Variants in RBFOX1 observed in about 807,000 individuals in gnomAD.
RBFOX1 encodes RNA binding fox-1 homolog 1, also known as RNA binding protein fox-1 homolog 1.
RBFOX1 carries 8 observed loss-of-function variants against 57.7 expected under a neutral mutation model. The observed-to-expected ratio is 0.14, with a 90% CI of 0.08 to 0.25. RBFOX1 has a LOEUF of 0.25. Ranked by LOEUF, RBFOX1 falls within the 10% of genes least tolerant of loss-of-function variation. The probability of loss-of-function intolerance (pLI) is 1.00; values close to 1 mark genes in which losing one functional copy is unlikely to be tolerated. For missense variants in RBFOX1, 611 were observed against 548.5 expected (o/e 1.11, Z -1.14); for synonymous variants, 326 against 222.4 (o/e 1.47, Z -4.15).
In RBFOX1 at chr16:5,884,984, A is replaced by G. The variant is rs139236104; in HGVS notation, c.351+17649A>G. On this transcript the variant is annotated intron_variant, in intron 4 of 19. Transcript: ENST00000641259. ...CCTAATGTTGGCCCAGAGGTAGGGG[A>G]ACCTAGAACCAATGCTTTTGGAGCC... is the stretch of plus-strand genomic sequence containing the variant. Among the ~76,000 whole-genome samples the G allele has an allele frequency of 3.3e-3, 501 of 152,320 alleles. 2 individuals are homozygous for G. The highest frequency in any genetic ancestry group is 0.012 in the African/African-American group (485 of 41,568).
chr16:6,615,907 C>G (rs2098134419), intron 2 of RBFOX1, among the ~76,000 whole-genome samples: 1 of 152,184 alleles, frequency 6.6e-6, no homozygotes, highest in African/African-American at 2.4e-5. Context: ...ATCTCCCCAT[C>G]CCTCATAACC....
chr16:5,873,477 G>A (rs574463204), intron 4 of RBFOX1, among the ~76,000 whole-genome samples: 1 of 152,214 alleles, frequency 6.6e-6, no homozygotes, highest in Non-Finnish European at 1.5e-5. Flanking sequence ...AATATTTAAA[G>A]AACTCTAAAC....
intron 4 of RBFOX1, among the ~76,000 whole-genome samples, chr16:5,921,340 A>G (rs2058816841): frequency 6.6e-6 from 1 of 152,010 alleles, no homozygotes. Flanking sequence ...GTCCCCTTGG[A>G]GGGATAGCAA....
intron 3 of RBFOX1, among the ~76,000 whole-genome samples, chr16:6,787,862 G>A (rs549111812): frequency 3.9e-5 from 6 of 152,224 alleles, no homozygotes; most frequent in East Asian, 1.9e-4. Context: ...TAACATAAGC[G>A]TAACTCGATA....
chr16:7,692,426 G>A (rs561158704), intron 14 of RBFOX1, among the ~76,000 whole-genome samples: 1 of 151,936 alleles, frequency 6.6e-6, no homozygotes, highest in African/African-American at 2.4e-5. Context: ...TGAAACATTT[G>A]AACAAAACCA....
intron 3 of RBFOX1, among the ~76,000 whole-genome samples, chr16:5,659,738 A>C: frequency 6.6e-6 from 1 of 152,198 alleles, no homozygotes; most frequent in East Asian, 1.9e-4. Context: ...TAAGTTAAAG[A>C]GTTTCGTCCA....
intron 4 of RBFOX1, among the ~76,000 whole-genome samples, chr16:7,321,477 C>T (rs1049735067): frequency 1.3e-5 from 2 of 152,082 alleles, no homozygotes; most frequent in Non-Finnish European, 2.9e-5. Flanking sequence ...AACAAACAAA[C>T]ATGAAATACG....
intron 1 of RBFOX1, among the ~76,000 whole-genome samples, chr16:6,157,539 A>G (rs999385006): frequency 2.0e-5 from 3 of 152,134 alleles, no homozygotes; most frequent in Non-Finnish European, 4.4e-5. Context: ...CATGCTTTTT[A>G]TCATTTGTCT....
chr16:6,299,174 G>C (rs1480681152), intron 1 of RBFOX1, among the ~76,000 whole-genome samples: 2 of 152,176 alleles, frequency 1.3e-5, no homozygotes, highest in African/African-American at 4.8e-5. Flanking sequence ...AGCACCATGG[G>C]AAAGAAAATG....
intron 4 of RBFOX1, among the ~76,000 whole-genome samples, chr16:7,261,004 G>T (rs1269711604): frequency 6.6e-6 from 1 of 152,140 alleles, no homozygotes; most frequent in African/African-American, 2.4e-5. Flanking sequence ...CACTTCAGGG[G>T]ATGGTGGAAG....
At chr16:6,693,215 C>T (rs1258641032) in intron 3 of RBFOX1, among the ~76,000 whole-genome samples, 1 of 151,530 alleles carries the variant, frequency 6.6e-6, no homozygotes, top group South Asian at 2.1e-4. Context: ...CCATCATCAT[C>T]ACCGTCATCC....
chr16:5,773,330 A>T (rs976537701), intron 3 of RBFOX1, among the ~76,000 whole-genome samples: 3 of 152,194 alleles, frequency 2.0e-5, no homozygotes, highest in Middle Eastern at 6.3e-3. Flanking sequence ...TAACATGTTC[A>T]CAAGCAGCCT....
At chr16:7,147,403 A>AAAT (rs1180684309) in intron 4 of RBFOX1, among the ~76,000 whole-genome samples, 2 of 151,868 alleles carry the variant, frequency 1.3e-5, no homozygotes, top group Non-Finnish European at 2.9e-5. Flanking sequence ...TTTGGTAGAC[A>AAAT]AATGATCCTG....
At chr16:5,941,993 C>G (rs1037860362) in intron 4 of RBFOX1, among the ~76,000 whole-genome samples, 3 of 151,598 alleles carry the variant, frequency 2.0e-5, no homozygotes, top group African/African-American at 7.3e-5. Context: ...GACACTGAAA[C>G]CTGAGTGGAG....
intron 2 of RBFOX1, among the ~76,000 whole-genome samples, chr16:5,535,836 C>T (rs1171432980): frequency 6.6e-6 from 1 of 152,208 alleles, no homozygotes; most frequent in South Asian, 2.1e-4. Flanking sequence ...TGTCGACAGA[C>T]ATTTCTGAGA....
intron 4 of RBFOX1, among the ~76,000 whole-genome samples, chr16:7,347,146 C>G (rs2097026507): frequency 6.6e-6 from 1 of 152,136 alleles, no homozygotes; most frequent in African/African-American, 2.4e-5. Context: ...TATCTGGACA[C>G]ATTTTTTGGT....
intron 1 of RBFOX1, among the ~76,000 whole-genome samples, chr16:6,043,834 G>T (rs1292515918): frequency 6.6e-6 from 1 of 152,138 alleles, no homozygotes. Context: ...TGATACCAAG[G>T]CTTCTATTGT....
chr16:5,931,200 A>ACCCC (rs1567161339), intron 4 of RBFOX1, among the ~76,000 whole-genome samples: 10 of 152,164 alleles, frequency 6.6e-5, no homozygotes, highest in Admixed American at 2.0e-4. Context: ...AACCACATCA[A>ACCCC]TCATCCTATT....
At chr16:7,147,960 G>A (rs774707102) in intron 4 of RBFOX1, among the ~76,000 whole-genome samples, 4 of 152,190 alleles carry the variant, frequency 2.6e-5, no homozygotes, top group Non-Finnish European at 5.9e-5. Context: ...TCCTCAAGGA[G>A]TAATGCCTAG....
Sources: allele counts gnomAD v4.1 joint callset (sites outside exome capture counted in the v4.1 genomes callset), GRCh38; gene constraint gnomAD v4.1.1; transcripts MANE v1.5; gene names NCBI Gene and HGNC (gene_info 2026-07-23, HGNC 2026-07-21).